The following PLSCR2 variants were observed in gnomAD, a reference collection of about 807,000 sequenced individuals.
PLSCR2 encodes the protein PL scramblase 2.
PLSCR2 carries 18 observed loss-of-function variants against 25.3 expected under a neutral mutation model. The observed-to-expected ratio is 0.71, with a 90% confidence interval of 0.49 to 1.06. PLSCR2 has a LOEUF of 1.06. PLSCR2 is among the 50% of genes least tolerant of loss of function. The pLI is 0.00. For synonymous variants in PLSCR2, 88 were observed against 87.3 expected (o/e 1.01, Z -0.04); for missense variants, 243 against 269.5 (o/e 0.90, Z 0.69).
At chr3:146,448,589 A>G (rs1204082743) in intron 6 of PLSCR2, among the ~76,000 whole-genome samples, 1 of 152,088 alleles carries the variant, frequency 6.6e-6, no homozygotes. Flanking sequence ...ATAAACCTCA[A>G]CTTTGGCTGC....
exon 1 of PLSCR2, chr3:146,460,427 AAG>A (rs2041499577): frequency 6.1e-6 from 1 of 162,788 alleles, no homozygotes; most frequent in South Asian, 2.3e-4. Flanking sequence ...CTTCATGGAA[AAG>A]AGAGATGAAA....
intron 2 of PLSCR2, among the ~76,000 whole-genome samples, chr3:146,410,167 T>C (rs112680135): frequency 0.012 from 1,751 of 150,106 alleles, 37 homozygotes; most frequent in African/African-American, 0.04. Flanking sequence ...CACCAGAAAA[T>C]GAGATGTGTG....
chr3:146,410,428 G>A (rs967672748), intron 2 of PLSCR2, among the ~76,000 whole-genome samples: 14 of 152,200 alleles, frequency 9.2e-5, no homozygotes, highest in African/African-American at 3.1e-4. Context: ...TCACTTGGAT[G>A]TGGGGTATGA....
At chr3:146,473,405 T>C (rs933494233) in intron 1 of PLSCR2, among the ~76,000 whole-genome samples, 4 of 149,170 alleles carry the variant, frequency 2.7e-5, no homozygotes, top group Non-Finnish European at 5.9e-5. Flanking sequence ...CCTCCCAGGA[T>C]CAAGCAATTC....
At chr3:146,395,556 AATC>A (rs763492751) in intron 3 of PLSCR2, among the ~76,000 whole-genome samples, 2 of 152,206 alleles carry the variant, frequency 1.3e-5, no homozygotes, top group South Asian at 4.1e-4. Context: ...TTTAAACCTG[AATC>A]ATCATGTTTC....
intron 6 of PLSCR2, among the ~76,000 whole-genome samples, chr3:146,444,037 T>C (rs1370192558): frequency 6.6e-6 from 1 of 152,028 alleles, no homozygotes; most frequent in African/African-American, 2.4e-5. Context: ...TTTAGGAGCA[T>C]ATTGTTTAAT....
At chr3:146,394,422 C>G (rs1361423221) in intron 3 of PLSCR2, among the ~76,000 whole-genome samples, 1 of 151,994 alleles carries the variant, frequency 6.6e-6, no homozygotes, top group Non-Finnish European at 1.5e-5. Context: ...CATGTGTCAC[C>G]TGCTCGGCTG....
rs1293528076 is a variant in PLSCR2 at position 146,459,839 on chromosome 3, T to A, written c.57+9A>T. On this transcript the variant is annotated intron_variant, in intron 2 of 6. Transcript: ENST00000610787. ...TTTTTTTCTGAGTATTTTACGTATT[T>A]GAAATTACCTGACTTAAGTATTCCA... 1 of 1,586,960 alleles carries A rather than the reference T, an allele frequency of 6.3e-7. No individual in the cohort carries two copies. The highest frequency in any genetic ancestry group is 8.6e-7 in the Non-Finnish European group (1 of 1,162,490).
intron 6 of PLSCR2, among the ~76,000 whole-genome samples, chr3:146,448,628 A>G (rs1428350303): frequency 6.6e-6 from 1 of 152,212 alleles, no homozygotes; most frequent in African/African-American, 2.4e-5. Context: ...GCACTACACA[A>G]ACTTCTGACT....
exon 2 of PLSCR2, chr3:146,459,992 T>A: frequency 6.2e-7 from 1 of 1,613,072 alleles, no homozygotes; most frequent in Non-Finnish European, 8.5e-7. Flanking sequence ...CATGCTGACG[T>A]CCTGGGTAGA....
intron 6 of PLSCR2, among the ~76,000 whole-genome samples, chr3:146,446,319 G>T (rs566334596): frequency 6.6e-6 from 1 of 152,268 alleles, no homozygotes; most frequent in South Asian, 2.1e-4. Context: ...GTATTCAAAA[G>T]AACTTGGGTG....
chr3:146,479,679 AG>A (rs2043060334), intron 1 of PLSCR2, among the ~76,000 whole-genome samples: 1 of 152,210 alleles, frequency 6.6e-6, no homozygotes, highest in Non-Finnish European at 1.5e-5. Flanking sequence ...CAGATCAATG[AG>A]ACAGAATGTT....
rs368171063 is a variant in PLSCR2, at chr3:146,473,344, G to A, written c.-292-13060C>T. Among the ~76,000 whole-genome samples, 331 of 127,942 alleles carry A rather than the reference G, an allele frequency of 2.6e-3. 1 individual carries two copies. The highest frequency in any genetic ancestry group is 8.9e-3 in the African/African-American group (298 of 33,654). 83.9% of individuals were successfully genotyped at this position (127,942 alleles called of 152,430 possible). A position where few individuals can be genotyped will look rare whatever the true frequency, so the allele number is the denominator to read the frequency against. On this transcript the variant is annotated intron_variant, in intron 1 of 8. Transcript: ENST00000336685. ...TTTTAAGACAGAGTCTTGCTCTGTC[G>A]CCCAGGCTGGAGTGCAATGGCACGA...
exon 6 of PLSCR2, chr3:146,449,297 G>A (rs776392445): frequency 1.2e-6 from 2 of 1,610,600 alleles, no homozygotes; most frequent in Non-Finnish European, 8.5e-7. Flanking sequence ...ATCAGTAAAT[G>A]CCTCTCTTAA....
intron 1 of PLSCR2, among the ~76,000 whole-genome samples, chr3:146,493,238 C>A (rs1292642724): frequency 2.0e-5 from 3 of 152,074 alleles, no homozygotes; most frequent in Non-Finnish European, 4.4e-5. Flanking sequence ...TGATAACAGT[C>A]CCACTGGAAC....
At chr3:146,446,354 G>C (rs939819271) in intron 6 of PLSCR2, among the ~76,000 whole-genome samples, 1 of 152,138 alleles carries the variant, frequency 6.6e-6, no homozygotes, top group Non-Finnish European at 1.5e-5. Context: ...TTTGGTTACT[G>C]CAGCCACATA....
upstream of PLSCR2, among the ~76,000 whole-genome samples, chr3:146,465,311 A>G (rs1216296322): frequency 2.0e-5 from 3 of 152,142 alleles, no homozygotes; most frequent in African/African-American, 7.2e-5. Flanking sequence ...AGCTAATTAC[A>G]TCTTTAAATT....
chr3:146,412,469 G>A (rs1211455192), intron 2 of PLSCR2, among the ~76,000 whole-genome samples: 5 of 152,114 alleles, frequency 3.3e-5, no homozygotes, highest in Non-Finnish European at 5.9e-5. Flanking sequence ...CTTACCACTC[G>A]TGCCCTCTGG....
chr3:146,445,907 G>T (rs1237095482), intron 6 of PLSCR2, among the ~76,000 whole-genome samples: 2 of 151,724 alleles, frequency 1.3e-5, no homozygotes, highest in Non-Finnish European at 2.9e-5. Context: ...TATTTATTCT[G>T]CTCCATCAGC....
Sources: allele counts gnomAD v4.1 joint callset (sites outside exome capture counted in the v4.1 genomes callset), GRCh38; gene constraint gnomAD v4.1.1; transcripts MANE v1.5; gene names NCBI Gene and HGNC (gene_info 2026-07-23, HGNC 2026-07-21).